The following DMD variants were observed in gnomAD, a reference collection of about 807,000 sequenced individuals.
The protein encoded by DMD is dystrophin.
In DMD, 63 loss-of-function variants were observed where a neutral mutation model predicts 330.1. The observed-to-expected ratio is 0.19, with a 90% CI of 0.16 to 0.24. The LOEUF is 0.24. Ranked by LOEUF, DMD falls within the 10% of genes least tolerant of loss-of-function variation. The pLI, the probability that DMD is intolerant of heterozygous loss-of-function variation, is 1.00. For missense variants in DMD, 3,344 were observed against 2,684.1 expected (o/e 1.25, Z -5.43); for synonymous variants, 1,223 against 959.8 (o/e 1.27, Z -5.07).
At chrX:31,393,492 C>A (rs201293883) in intron 60 of DMD, among the ~76,000 whole-genome samples, 370 of 71,241 alleles carry the variant, frequency 5.2e-3, no homozygotes, top group Middle Eastern at 6.5e-3. Flanking sequence ...AAAAAAAAAA[C>A]AAAAAAAAAA....
At chrX:31,157,681 T>A (rs1434078170) in intron 74 of DMD, among the ~76,000 whole-genome samples, 2 of 111,812 alleles carry the variant, frequency 1.8e-5, no homozygotes, top group East Asian at 2.8e-4. Flanking sequence ...TAGTCTTAAG[T>A]TCTCCCAGTA....
intron 1 of DMD, among the ~76,000 whole-genome samples, chrX:33,237,647 A>G (rs760087245): frequency 8.9e-6 from 1 of 112,095 alleles, no homozygotes; most frequent in Non-Finnish European, 1.9e-5. Flanking sequence ...ATACATGAAG[A>G]TTATGGCATT....
At chrX:31,743,943 A>G (rs573031742) in intron 51 of DMD, among the ~76,000 whole-genome samples, 1 of 109,569 alleles carries the variant, frequency 9.1e-6, no homozygotes, top group South Asian at 3.9e-4. Context: ...TGCCGCCTTG[A>G]CCTCCTGGGC....
intron 15 of DMD, among the ~76,000 whole-genome samples, chrX:32,569,909 G>A (rs2052205072): frequency 9.0e-6 from 1 of 111,324 alleles, no homozygotes; most frequent in African/African-American, 3.3e-5. Flanking sequence ...GATAATTTAC[G>A]TGATTCTACA....
At chrX:32,542,425 C>T (rs1481357261) in intron 17 of DMD, among the ~76,000 whole-genome samples, 2 of 111,714 alleles carry the variant, frequency 1.8e-5, no homozygotes, top group Admixed American at 1.9e-4. Flanking sequence ...GAGCAAGACA[C>T]TGTCTCAAAA....
intron 1 of DMD, among the ~76,000 whole-genome samples, chrX:33,281,742 G>A (rs954961419): frequency 1.8e-5 from 2 of 108,510 alleles, no homozygotes; most frequent in African/African-American, 6.7e-5. Flanking sequence ...ATACACAGGT[G>A]CCATTCTACT....
chrX:33,160,800 T>C (rs2048734591), intron 1 of DMD, among the ~76,000 whole-genome samples: 1 of 111,658 alleles, frequency 9.0e-6, no homozygotes, highest in Non-Finnish European at 1.9e-5. Context: ...ATCTTGGTCT[T>C]GCCTGCCGGT....
intron 1 of DMD, among the ~76,000 whole-genome samples, chrX:33,065,777 T>C (rs2094644530): frequency 8.9e-6 from 1 of 112,298 alleles, no homozygotes; most frequent in South Asian, 3.6e-4. Context: ...CATCCTCATC[T>C]CACTATATGA....
chrX:31,732,110 T>A (rs1246839993), intron 51 of DMD, among the ~76,000 whole-genome samples: 1 of 111,474 alleles, frequency 9.0e-6, no homozygotes, highest in Non-Finnish European at 1.9e-5. Context: ...GAGAAGATTA[T>A]TAATGAGATC....
intron 11 of DMD, among the ~76,000 whole-genome samples, chrX:32,638,496 A>G (rs1035358704): frequency 1.3e-4 from 15 of 112,074 alleles, no homozygotes; most frequent in Admixed American, 3.8e-4. Flanking sequence ...GATTCTGTAT[A>G]TATCAGAATG....
intron 51 of DMD, among the ~76,000 whole-genome samples, chrX:31,742,802 T>C (rs1266894013): frequency 8.9e-6 from 1 of 111,922 alleles, no homozygotes; most frequent in Non-Finnish European, 1.9e-5. Flanking sequence ...AATTTATAAC[T>C]AAGTCCTCAA....
intron 62 of DMD, among the ~76,000 whole-genome samples, chrX:31,300,908 C>T (rs1359726233): frequency 1.8e-5 from 2 of 112,075 alleles, no homozygotes; most frequent in African/African-American, 6.5e-5. Context: ...AACTGCTGGA[C>T]AGATAAATTA....
chrX:33,125,875 A>T (rs1016690240), intron 1 of DMD, among the ~76,000 whole-genome samples: 10 of 110,762 alleles, frequency 9.0e-5, no homozygotes, highest in African/African-American at 2.9e-4. Flanking sequence ...AAAACTTTAC[A>T]TAGGGAGAAA....
intron 9 of DMD, among the ~76,000 whole-genome samples, chrX:32,665,003 A>G (rs2061213711): frequency 8.9e-6 from 1 of 112,143 alleles, no homozygotes; most frequent in Admixed American, 9.5e-5. Flanking sequence ...TTAGAAATCA[A>G]AGAGGGGAAA....
intron 60 of DMD, among the ~76,000 whole-genome samples, chrX:31,397,754 G>A (rs1450108294): frequency 8.9e-6 from 1 of 112,213 alleles, no homozygotes; most frequent in Admixed American, 9.4e-5. Context: ...TGGTGTGGGG[G>A]TATGGCAAGG....
chrX:31,990,762 G>C (rs1378351783), intron 44 of DMD, among the ~76,000 whole-genome samples: 1 of 112,046 alleles, frequency 8.9e-6, no homozygotes, highest in Admixed American at 9.5e-5. Context: ...ATCCTACCAC[G>C]TGTAAAGTAT....
chrX:32,814,497 C>A (rs2077581501), intron 6 of DMD, among the ~76,000 whole-genome samples: 1 of 111,911 alleles, frequency 8.9e-6, no homozygotes, highest in Non-Finnish European at 1.9e-5. Flanking sequence ...AGAGTTCAAC[C>A]ATTTTTTTCT....
intron 20 of DMD, 26 bp downstream of exon 20, chrX:32,491,251 C>T (rs2042968522): frequency 1.7e-6 from 2 of 1,209,615 alleles, no homozygotes; most frequent in Non-Finnish European, 2.2e-6. Context: ...GATTATGCTC[C>T]AAATGGAAGG....
intron 55 of DMD, among the ~76,000 whole-genome samples, chrX:31,535,769 C>T (rs1189454286): frequency 2.7e-5 from 3 of 111,817 alleles, no homozygotes; most frequent in East Asian, 2.8e-4. Flanking sequence ...TGCCATTGTC[C>T]CTTCATTCAT....
Sources: allele counts gnomAD v4.1 joint callset (sites outside exome capture counted in the v4.1 genomes callset), GRCh38; gene constraint gnomAD v4.1.1; transcripts MANE v1.5; gene names NCBI Gene and HGNC (gene_info 2026-07-23, HGNC 2026-07-21).